The following TAPT1 variants were observed in gnomAD, a reference collection of about 807,000 sequenced individuals.
TAPT1 encodes the protein transmembrane anterior posterior transformation 1.
Under a neutral mutation model 65.6 loss-of-function variants are expected in TAPT1, and 28 were observed. That is an observed-to-expected ratio of 0.43 (90% CI 0.32 to 0.59). The LOEUF (loss-of-function observed/expected upper bound fraction) is 0.59, where lower values mean the gene tolerates loss of function less well. Among genes scored for constraint, TAPT1 ranks in the 20% least tolerant of loss-of-function variants. TAPT1 has a pLI of 0.09. For missense variants in TAPT1, 563 were observed against 679.9 expected (o/e 0.83, Z 1.91); for synonymous variants, 278 against 245.2 (o/e 1.13, Z -1.25).
chr4:16,165,577 A>G (rs1410905148), intron 13 of TAPT1, among the ~76,000 whole-genome samples: 1 of 152,032 alleles, frequency 6.6e-6, no homozygotes, highest in Non-Finnish European at 1.5e-5. Flanking sequence ...CTCAAAAAAA[A>G]AAAAAAAAAT....
At chr4:16,214,949 G>T (rs1390409175) in intron 1 of TAPT1, among the ~76,000 whole-genome samples, 1 of 152,078 alleles carries the variant, frequency 6.6e-6, no homozygotes, top group African/African-American at 2.4e-5. Context: ...CACCTTCTAG[G>T]AGTACTATGA....
chr4:16,201,037 G>GT (rs1401177636), intron 3 of TAPT1, among the ~76,000 whole-genome samples: 1 of 152,144 alleles, frequency 6.6e-6, no homozygotes, highest in Non-Finnish European at 1.5e-5. Context: ...TGGAAGGCAA[G>GT]TAAGTTACAG....
chr4:16,191,296 T>G, intron 4 of TAPT1, 65 bp downstream of exon 4: 1 of 1,502,246 alleles, frequency 6.7e-7, no homozygotes, highest in Non-Finnish European at 9.0e-7. Flanking sequence ...TCAGGTACCT[T>G]CAGAACTGAA....
At chr4:16,172,656 A>G (rs1199720959) in intron 11 of TAPT1, among the ~76,000 whole-genome samples, 1 of 152,220 alleles carries the variant, frequency 6.6e-6, no homozygotes, top group African/African-American at 2.4e-5. Context: ...TAAGCCTATT[A>G]ATCATCTGTC....
intron 3 of TAPT1, among the ~76,000 whole-genome samples, chr4:16,201,347 G>T (rs1482937800): frequency 6.6e-6 from 1 of 151,976 alleles, no homozygotes; most frequent in Non-Finnish European, 1.5e-5. Flanking sequence ...TAACTCAACT[G>T]CTATGGTTAA....
chr4:16,193,872 A>G (rs895242956), intron 3 of TAPT1, among the ~76,000 whole-genome samples: 63 of 152,350 alleles, frequency 4.1e-4, no homozygotes, highest in African/African-American at 1.4e-3. Flanking sequence ...AAATGATACG[A>G]GCTAAAAGTA....
chr4:16,212,581 G>A (rs1560185994), intron 2 of TAPT1, among the ~76,000 whole-genome samples: 2 of 152,168 alleles, frequency 1.3e-5, no homozygotes, highest in African/African-American at 4.8e-5. Flanking sequence ...GCTGTGGAGA[G>A]CCCTGCCCAC....
At chr4:16,186,690 A>C in intron 6 of TAPT1, 86 bp from the exon 7 acceptor site, 1 of 1,361,896 alleles carries the variant, frequency 7.3e-7, no homozygotes, top group South Asian at 1.2e-5. Context: ...CGGGAGAACA[A>C]CATATAGAAC....
rs749192598 is a variant in TAPT1, at chr4:16,166,704, G to C, written c.1403C>G (p.Ser468Trp). 6.2e-7 allele frequency: 1 copy of C among 1,613,946 alleles called. No homozygotes were observed. The change falls in exon 13 of 14, where the codon TCG (serine) becomes TGG (tryptophan). Residue 468 changes from serine to tryptophan, a missense_variant. Ser to Trp is a radical substitution (Grantham distance 177). Transcript: ENST00000405303. Reference sequence around the variant, plus strand: ...TGGAGTGCAGGTTGCGGGAGGATTCGACAGCTTCTCTTCCATTTTGGCTTC... The same window carrying C: ...TGGAGTGCAGGTTGCGGGAGGATTCCACAGCTTCTCTTCCATTTTGGCTTC... ...VKEAKMEEKLSNPPATCTPGK... is the reference protein window; with the variant it reads ...VKEAKMEEKLWNPPATCTPGK...
intron 13 of TAPT1, among the ~76,000 whole-genome samples, chr4:16,164,518 C>T (rs990661340): frequency 4.6e-5 from 7 of 152,280 alleles, no homozygotes; most frequent in Admixed American, 3.9e-4. Context: ...ATGGCCCTGC[C>T]CTGCAGTACG....
In TAPT1 at chr4:16,226,212, C is replaced by T. The variant is rs1001808789; in HGVS notation, c.199+47G>A. On this transcript the variant is annotated intron_variant, in intron 1 of 13. Transcript: ENST00000405303. ...AGGCGCCCCCGCCGCCCTCGGTCCC[C>T]AGTCCGCCCCTCGGAGCCCGCCACG... is the stretch of plus-strand genomic sequence containing the variant. 2.3e-5 allele frequency: 25 copies of T among 1,096,908 alleles called. No individual in the cohort carries two copies. The Admixed American group carries it at 8.7e-4, about 38-fold the overall frequency. 67.9% of individuals were successfully genotyped at this position (1,096,908 alleles called of 1,614,324 possible).
At chr4:16,211,223 C>G (rs984821029) in intron 2 of TAPT1, among the ~76,000 whole-genome samples, 63 of 117,022 alleles carry the variant, frequency 5.4e-4, no homozygotes, top group African/African-American at 2.1e-3. Context: ...TAGCATTCAT[C>G]GAAAAAAGAA....
chr4:16,209,432 A>T (rs1321105109), intron 2 of TAPT1, among the ~76,000 whole-genome samples: 1 of 152,224 alleles, frequency 6.6e-6, no homozygotes, highest in Non-Finnish European at 1.5e-5. Flanking sequence ...ATATAGATGG[A>T]GCAAATTAAT....
chr4:16,195,434 G>C (rs1359324550), intron 3 of TAPT1, among the ~76,000 whole-genome samples: 2 of 152,268 alleles, frequency 1.3e-5, no homozygotes, highest in Non-Finnish European at 1.5e-5. Context: ...CATACTGTTG[G>C]GCAAAGTGAA....
At chr4:16,223,263 G>A (rs1751360766) in intron 1 of TAPT1, among the ~76,000 whole-genome samples, 1 of 152,156 alleles carries the variant, frequency 6.6e-6, no homozygotes, top group African/African-American at 2.4e-5. Flanking sequence ...TAAAAATATG[G>A]CTATACAGAA....
At chr4:16,195,158 C>T (rs1460192120) in intron 3 of TAPT1, among the ~76,000 whole-genome samples, 1 of 152,168 alleles carries the variant, frequency 6.6e-6, no homozygotes, top group Non-Finnish European at 1.5e-5. Context: ...AAGAAAAGAC[C>T]TAACCTCACA....
chr4:16,169,328 C>G (rs1222650593), intron 12 of TAPT1, among the ~76,000 whole-genome samples: 1 of 152,204 alleles, frequency 6.6e-6, no homozygotes, highest in Non-Finnish European at 1.5e-5. Flanking sequence ...CATATACATG[C>G]TTCATTTCCT....
At chr4:16,179,697 T>C in intron 7 of TAPT1, 40 bp from the exon 8 acceptor site, 2 of 1,027,536 alleles carry the variant, frequency 1.9e-6, no homozygotes, top group Non-Finnish European at 2.8e-6. Context: ...GTAGTGTATA[T>C]AAACAACATA....
At chr4:16,163,862 C>A (rs1269528987) in intron 13 of TAPT1, among the ~76,000 whole-genome samples, 2 of 152,152 alleles carry the variant, frequency 1.3e-5, no homozygotes, top group African/African-American at 4.8e-5. Context: ...TGACTGTTGG[C>A]AGTCCTGAAA....
Sources: gnomAD v4.1 joint callset for allele counts (sites outside exome capture counted in the v4.1 genomes callset) on GRCh38, gnomAD v4.1.1 for gene constraint, MANE v1.5 for transcripts, NCBI Gene and HGNC (gene_info 2026-07-23, HGNC 2026-07-21) for gene names.